The following SIRT2 variants were observed in gnomAD, a reference collection of about 807,000 sequenced individuals.
The protein encoded by SIRT2 is sirtuin 2, also known as NAD-dependent protein deacetylase sirtuin-2.
SIRT2 carries 40 observed loss-of-function variants against 57.4 expected under a neutral mutation model. The ratio of observed to expected loss-of-function variants is 0.70; its 90% CI spans 0.54 to 0.91. The LOEUF is 0.91. Ranked by LOEUF, SIRT2 falls within the 40% of genes least tolerant of loss-of-function variation. SIRT2 has a pLI of 0.00. For missense variants in SIRT2, 439 were observed against 510.4 expected (o/e 0.86, Z 1.35); for synonymous variants, 161 against 195.7 (o/e 0.82, Z 1.48).
Position 38,889,887 on chromosome 19 carries a change from G to T in SIRT2, c.343C>A (p.Pro115Thr). 2 of 1,614,146 alleles carry T rather than the reference G, an allele frequency of 1.2e-6. No homozygotes were observed. The highest frequency in any genetic ancestry group is 1.7e-6 in the Non-Finnish European group (2 of 1,179,978). Residue 115 changes from proline to threonine, a missense_variant, in exon 6 of 16, where the codon CCA (proline) becomes ACA (threonine). Pro to Thr is a conservative substitution (Grantham distance 38). Transcript: ENST00000249396. ...DNLEKYHLPY[P>T]EAIFEISYFK... is the part of the protein sequence containing the mutation. ...TAGCTGATCTCAAAGATGGCCTCTG[G>T]GTAGGGAAGATGGTACTTCTCTAGG...
intron 4 of SIRT2, among the ~76,000 whole-genome samples, chr19:38,891,461 A>G (rs544197756): frequency 2.2e-4 from 34 of 152,148 alleles, no homozygotes; most frequent in Admixed American, 2.1e-3. Flanking sequence ...AAGCAGGAGA[A>G]TCGCTTGAAC....
In SIRT2 at chr19:38,889,938, A is replaced by G. The variant is rs1259551409; in HGVS notation, c.292T>C (p.Ser98Pro). ...STSAGIPDFR[S>P]PSTGLYDNLE... Reference sequence around the variant, plus strand: ...TTGTCATAGAGGCCGGTGGATGGAGAGCGAAAGTCGGGGATGCCTGCGGCT... The same window carrying G: ...TTGTCATAGAGGCCGGTGGATGGAGGGCGAAAGTCGGGGATGCCTGCGGCT... Residue 98 changes from serine to proline, a missense_variant, in exon 6 of 16, where the codon TCT becomes CCT. Coordinates refer to ENST00000249396, the MANE Select transcript of SIRT2 (RefSeq NM_012237.4). The G allele has an allele frequency of 1.2e-6, 2 of 1,613,962 alleles. No individual in the cohort carries two copies. Among genetic ancestry groups the G allele is most frequent in the Admixed American group, 1.7e-5 (1 of 60,006 alleles).
Position 38,879,190 on chromosome 19 carries a change from C to A in SIRT2, c.1135G>T (p.Glu379Ter). Residue 379 changes from glutamate (E) to a stop codon, truncating the protein, a stop_gained, in exon 16 of 16, where the codon GAG becomes TAG. Transcript: ENST00000249396. LOFTEE classifies it high-confidence loss of function. ...TTCTCCCTCTCTGTTGTCCTGGCCT[C>A]GTCCTTGGCAGGTGGCGGGGACTTC... ...PKKSPPPAKDEARTTEREKPQ is the reference protein window; with the variant it reads ...PKKSPPPAKD The A allele has an allele frequency of 6.3e-7, 1 of 1,586,832 alleles. No homozygotes were observed. Among genetic ancestry groups the A allele is most frequent in the South Asian group, 1.1e-5 (1 of 87,130 alleles).
chr19:38,879,190 C>T lies in SIRT2; in HGVS notation c.1135G>A (p.Glu379Lys), dbSNP rs202127838. 9.5e-6 allele frequency: 15 copies of T among 1,586,832 alleles called. No homozygotes were observed. The Middle Eastern group carries it at 6.8e-4, about 72-fold the overall frequency. Residue 379 changes from glutamate to lysine, a missense_variant, in exon 16 of 16, where the codon GAG becomes AAG. Coordinates refer to ENST00000249396, the MANE Select transcript of SIRT2 (RefSeq NM_012237.4). ...TTCTCCCTCTCTGTTGTCCTGGCCT[C>T]GTCCTTGGCAGGTGGCGGGGACTTC... ...PKKSPPPAKD[E>K]ARTTEREKPQ
At chr19:38,894,738 CCT>C (rs1394747576) in intron 2 of SIRT2, 1 of 452,428 alleles carries the variant, frequency 2.2e-6, no homozygotes, top group Non-Finnish European at 4.5e-6. Context: ...CTGTCTCCTT[CCT>C]CGAAGCCTCC....
intron 8 of SIRT2, among the ~76,000 whole-genome samples, chr19:38,885,428 CTTTT>C (rs746141768): frequency 1.5e-5 from 2 of 137,738 alleles, no homozygotes; most frequent in Non-Finnish European, 3.2e-5. Flanking sequence ...CTTTTCTTTT[CTTTT>C]TTTTTTTTTT....
intron 3 of SIRT2, 51 bp downstream of exon 3, chr19:38,893,767 AT>A (rs1348198159): frequency 6.2e-7 from 1 of 1,605,546 alleles, no homozygotes; most frequent in African/African-American, 1.3e-5. Context: ...CTGCCCTGAA[AT>A]CCCCCCGCCC....
rs1481980295 is a variant in SIRT2 at position 38,881,107 on chromosome 19, A to G, written c.740T>C (p.Met247Thr). Reference sequence around the variant, plus strand: ...GGCTGGGGGGCCACTTACTGACTGCATACAGGAGAAGAAACGCGCTGGGAG... The same window carrying G: ...GGCTGGGGGGCCACTTACTGACTGCGTACAGGAGAAGAAACGCGCTGGGAG... Reference protein sequence around the residue: ...ESLPARFFSCMQSDFLKVDLL... With the variant: ...ESLPARFFSCTQSDFLKVDLL... The change falls in exon 11 of 16, where the codon ATG (methionine) becomes ACG (threonine). Residue 247 changes from methionine to threonine, a missense_variant. By Grantham distance (81) the Met-to-Thr change is moderately conservative (BLOSUM62 -1). Coordinates refer to ENST00000249396, the MANE Select transcript of SIRT2 (RefSeq NM_012237.4). 1.2e-6 allele frequency: 2 copies of G among 1,613,394 alleles called. No individual in the cohort carries two copies. The highest frequency in any genetic ancestry group is 1.7e-6 in the Non-Finnish European group (2 of 1,179,792).
In SIRT2 at chr19:38,895,901, T is replaced by C. The variant is rs192363774; in HGVS notation, c.64-2034A>G. Among the ~76,000 whole-genome samples the C allele has an allele frequency of 2.6e-5, 4 of 152,258 alleles. No homozygotes were observed. The East Asian group carries it at 7.7e-4, about 29-fold the overall frequency. ...TCCTGGCCAACATGATGAAACCCCG[T>C]GTCTAATAAAAATACAAAAAATTAG... On this transcript the variant is annotated intron_variant, in intron 2 of 15. Coordinates refer to ENST00000249396, the MANE Select transcript of SIRT2 (RefSeq NM_012237.4).
At chr19:38,888,398 C>T (rs1973409955) in intron 8 of SIRT2, among the ~76,000 whole-genome samples, 1 of 151,702 alleles carries the variant, frequency 6.6e-6, no homozygotes, top group Non-Finnish European at 1.5e-5. Flanking sequence ...GTCCCAAACG[C>T]CTGGGCTCGA....
At chr19:38,879,568 C>T (rs1259422643) in intron 14 of SIRT2, 64 bp downstream of exon 14, 11 of 1,555,052 alleles carry the variant, frequency 7.1e-6, no homozygotes, top group South Asian at 4.7e-5. Context: ...CATCTGCCTT[C>T]GTGCCCCCGC....
chr19:38,890,713 A>G lies in SIRT2; in HGVS notation c.227-569T>C, dbSNP rs572127382. 1.3e-3 allele frequency: 193 copies of G among 150,696 alleles called. 1 individual carries two copies. Among genetic ancestry groups the G allele is most frequent in the African/African-American group, 4.8e-3 (179 of 37,666 alleles). The allele number at this position is 150,696 out of a possible 1,614,324, so 9.3% of individuals were successfully genotyped here. A position where few individuals can be genotyped will look rare whatever the true frequency, so the allele number is the denominator to read the frequency against. ...TCAAAAAAAGGAAAAAAAAAAAAAA[A>G]AGAGAATCCACTGTTGGAAATCACA... On this transcript the variant is annotated intron_variant, in intron 4 of 15. Transcript: ENST00000249396.
chr19:38,892,858 A>G (rs971421923), intron 4 of SIRT2, among the ~76,000 whole-genome samples: 16 of 152,166 alleles, frequency 1.1e-4, no homozygotes, highest in Admixed American at 3.3e-4. Flanking sequence ...GATTACATAC[A>G]TGAGCCACTG....
chr19:38,879,138 C>T lies in SIRT2; in HGVS notation c.*17G>A, dbSNP rs1395549769. The T allele has an allele frequency of 6.4e-7, 1 of 1,554,366 alleles. No homozygotes were observed. Among genetic ancestry groups the T allele is most frequent in the Non-Finnish European group, 8.6e-7 (1 of 1,157,224 alleles). ...TGTCCCTGAGGAGCTCGGCATCCCG[C>T]CTGGGAGATGCAGCTGTCACTGGGG... On this transcript the variant is annotated 3_prime_UTR_variant, in exon 16 of 16. Coordinates refer to ENST00000249396, the MANE Select transcript of SIRT2 (RefSeq NM_012237.4).
In SIRT2 at chr19:38,889,939, G is replaced by A. The variant is rs1332092191; in HGVS notation, c.291C>T (p.Arg97=). The change falls in exon 6 of 16, where the codon CGC becomes CGT. Residue 97 remains arginine, a synonymous_variant. Coordinates refer to ENST00000249396, the MANE Select transcript of SIRT2 (RefSeq NM_012237.4). ...TGTCATAGAGGCCGGTGGATGGAGAGCGAAAGTCGGGGATGCCTGCGGCTA... is the reference window on the plus strand; with the variant it reads ...TGTCATAGAGGCCGGTGGATGGAGAACGAAAGTCGGGGATGCCTGCGGCTA... ...ISTSAGIPDF[R]SPSTGLYDNL... 4 of 1,614,194 alleles carry A rather than the reference G, an allele frequency of 2.5e-6. No individual in the cohort carries two copies. The highest frequency in any genetic ancestry group is 3.4e-6 in the Non-Finnish European group (4 of 1,180,032).
chr19:38,881,365 G>A (rs2144668678), intron 10 of SIRT2, 67 bp downstream of exon 10: 2 of 1,449,268 alleles, frequency 1.4e-6, no homozygotes, highest in Non-Finnish European at 1.9e-6. Flanking sequence ...GCCTTTGGGA[G>A]GGGGTCAGGG....
chr19:38,886,023 G>A (rs142256434), intron 8 of SIRT2, among the ~76,000 whole-genome samples: 2 of 152,292 alleles, frequency 1.3e-5, no homozygotes, highest in East Asian at 3.9e-4. Flanking sequence ...TGCCTGTGAG[G>A]AATGCCGCTA....
chr19:38,892,076 T>C (rs1973556852), intron 4 of SIRT2: 1 of 359,602 alleles, frequency 2.8e-6, no homozygotes, highest in Admixed American at 3.8e-5. Flanking sequence ...TTCTCAGACT[T>C]TGGTGACCTC....
At position 38,899,130 on chromosome 19, in the gene SIRT2, A is replaced by C. The variant is rs564331079; in HGVS notation, c.16+376T>G. ...GGTAGGTTTAGGAGAGGCGCGGAAC[A>C]AGGGGAAGCCATAGGAGGGGTCAGC... is the stretch of plus-strand genomic sequence containing the variant. On this transcript the variant is annotated intron_variant, in intron 1 of 15. Transcript: ENST00000249396. Among the ~76,000 whole-genome samples the C allele has an allele frequency of 5.3e-5, 8 of 152,178 alleles. No homozygotes were observed. The South Asian group carries it at 8.3e-4, about 16-fold the overall frequency.
Sources: allele counts gnomAD v4.1 joint callset (sites outside exome capture counted in the v4.1 genomes callset), GRCh38; gene constraint gnomAD v4.1.1; transcripts MANE v1.5; gene names NCBI Gene and HGNC (gene_info 2026-07-23, HGNC 2026-07-21).